The following ZRANB3 variants were observed in gnomAD, a reference collection of about 807,000 sequenced individuals.
ZRANB3 encodes the protein zinc finger RANBP2-type containing 3.
In ZRANB3, 125 loss-of-function variants were observed where a neutral mutation model predicts 133.8. That is an observed-to-expected ratio of 0.93 (90% CI 0.81 to 1.08). ZRANB3 has a LOEUF of 1.08. Ranked by LOEUF, ZRANB3 falls within the 50% of genes least tolerant of loss-of-function variation. The pLI, the probability that ZRANB3 is intolerant of heterozygous loss-of-function variation, is 0.00. For synonymous variants in ZRANB3, 387 were observed against 432.7 expected (o/e 0.89, Z 1.31); for missense variants, 1,229 against 1,275.5 (o/e 0.96, Z 0.56).
chr2:135,502,551 C>G (rs1378088277), intron 2 of ZRANB3, among the ~76,000 whole-genome samples: 1 of 152,178 alleles, frequency 6.6e-6, no homozygotes, highest in Non-Finnish European at 1.5e-5. Flanking sequence ...GTTAAAGAAG[C>G]ATGCACAGCA....
At chr2:135,224,277 G>T (rs1694670082) in intron 15 of ZRANB3, 149 bp downstream of exon 15, 2 of 628,616 alleles carry the variant, frequency 3.2e-6, no homozygotes, top group African/African-American at 1.8e-5. Flanking sequence ...CTCATTGTCT[G>T]TAGATTTAAC....
intron 3 of ZRANB3, among the ~76,000 whole-genome samples, chr2:135,367,373 G>T (rs886649795): frequency 3.3e-5 from 5 of 152,156 alleles, no homozygotes; most frequent in Admixed American, 6.5e-5. Context: ...CTTAGCTGGG[G>T]TCCTCTCATC....
chr2:135,302,048 C>G (rs1336146658), intron 8 of ZRANB3, among the ~76,000 whole-genome samples: 1 of 152,188 alleles, frequency 6.6e-6, no homozygotes, highest in Non-Finnish European at 1.5e-5. Flanking sequence ...CATTTACAAA[C>G]TGGTTTGGGA....
chr2:135,438,338 C>G (rs921626218), intron 2 of ZRANB3, among the ~76,000 whole-genome samples: 1 of 151,888 alleles, frequency 6.6e-6, no homozygotes, highest in East Asian at 1.9e-4. Flanking sequence ...AACTCCGTAT[C>G]TACTAAAAAT....
chr2:135,420,687 G>A (rs1688803990), intron 2 of ZRANB3, among the ~76,000 whole-genome samples: 2 of 152,042 alleles, frequency 1.3e-5, no homozygotes, highest in Non-Finnish European at 2.9e-5. Context: ...GAGAGTAAGA[G>A]TGCTCTTCTT....
intron 3 of ZRANB3, among the ~76,000 whole-genome samples, chr2:135,388,270 C>A (rs143763317): frequency 2.0e-5 from 3 of 152,270 alleles, no homozygotes; most frequent in African/African-American, 7.2e-5. Context: ...CACTGGGTCA[C>A]CCCTCCCATC....
intron 3 of ZRANB3, among the ~76,000 whole-genome samples, chr2:135,373,802 A>AGGGGAGGGGG (rs1426846563): frequency 5.2e-4 from 2 of 3,826 alleles, no homozygotes; most frequent in East Asian, 7.0e-3. Context: ...GAAAAGAAAG[A>AGGGGAGGGGG]GGGGAGGGGA....
rs528081440 is a variant in ZRANB3, at chr2:135,467,819, T to C, written c.161+36510A>G. Among the ~76,000 whole-genome samples, 35 of 152,352 alleles carry C rather than the reference T, an allele frequency of 2.3e-4. No homozygotes were observed. The East Asian group carries it at 6.6e-3, about 29-fold the overall frequency. ...GCACTCCAGACCCTCTGAGCTTTTTTCAAGTTCTTTAAGCACTGGCTTGGA... is the reference window on the plus strand; with the variant it reads ...GCACTCCAGACCCTCTGAGCTTTTTCCAAGTTCTTTAAGCACTGGCTTGGA... On this transcript the variant is annotated intron_variant, in intron 2 of 20. Transcript: ENST00000264159.
intron 6 of ZRANB3, among the ~76,000 whole-genome samples, chr2:135,333,671 G>A (rs1000711997): frequency 1.1e-4 from 16 of 152,176 alleles, no homozygotes; most frequent in African/African-American, 3.9e-4. Flanking sequence ...TGGGTACAGA[G>A]TTTCAATCTG....
intron 12 of ZRANB3, among the ~76,000 whole-genome samples, chr2:135,242,369 C>T (rs2105084224): frequency 6.6e-6 from 1 of 151,968 alleles, no homozygotes; most frequent in Admixed American, 6.5e-5. Flanking sequence ...CAGAAGAAAA[C>T]TCAAAGCAAA....
intron 1 of ZRANB3, among the ~76,000 whole-genome samples, chr2:135,516,752 G>A (rs1490027280): frequency 6.6e-6 from 1 of 152,016 alleles, no homozygotes; most frequent in African/African-American, 2.4e-5. Flanking sequence ...TATGTGTCTT[G>A]TGGTTGCTCT....
Position 135,353,030 on chromosome 2 carries a change from A to G in ZRANB3, c.359+420T>C, listed in dbSNP as rs77778849. On this transcript the variant is annotated intron_variant, in intron 4 of 20. Coordinates refer to ENST00000264159, the MANE Select transcript of ZRANB3 (RefSeq NM_032143.4). ...AAAATCAAACTTACTAATGAGTCAC[A>G]CACAAAACTTGCATATTAATTAACA... Among the ~76,000 whole-genome samples, 1,082 of 152,272 alleles carry G rather than the reference A, an allele frequency of 7.1e-3. 11 individuals are homozygous for G. The highest frequency in any genetic ancestry group is 0.024 in the African/African-American group (1,014 of 41,582).
chr2:135,526,669 A>G (rs1056155140), intron 1 of ZRANB3, among the ~76,000 whole-genome samples: 2 of 152,224 alleles, frequency 1.3e-5, no homozygotes, highest in Admixed American at 6.5e-5. Flanking sequence ...ATTGTCCTGC[A>G]AAGTCTCTTG....
intron 2 of ZRANB3, among the ~76,000 whole-genome samples, chr2:135,498,280 G>A (rs1005585103): frequency 1.3e-5 from 2 of 152,060 alleles, no homozygotes; most frequent in African/African-American, 2.4e-5. Flanking sequence ...CTGAAGCCAT[G>A]GCAGAAGAAC....
intron 11 of ZRANB3, among the ~76,000 whole-genome samples, chr2:135,266,576 C>T (rs542768720): frequency 1.3e-5 from 2 of 152,068 alleles, no homozygotes; most frequent in South Asian, 4.2e-4. Flanking sequence ...ACCAGCCTGG[C>T]CAATAAGGTA....
chr2:135,524,302 G>A (rs1262153787), intron 1 of ZRANB3, among the ~76,000 whole-genome samples: 1 of 151,962 alleles, frequency 6.6e-6, no homozygotes, highest in Non-Finnish European at 1.5e-5. Flanking sequence ...GGCTGGTCTC[G>A]AACTCCCGAC....
Position 135,275,647 on chromosome 2 carries a change from T to C in ZRANB3, c.1075A>G (p.Ile359Val). The change falls in exon 9 of 21, where the codon ATC becomes GTC. Residue 359 changes from isoleucine (I) to valine (V), a missense_variant. Ile to Val is a conservative substitution (Grantham distance 29). Transcript: ENST00000264159. Reference protein sequence around the residue: ...SMLQACTEAVIENKTRYIRID... With the variant: ...SMLQACTEAVVENKTRYIRID... Reference sequence around the variant, plus strand: ...AAATGGCAACATACCTTATTTTCGATGACTGCTTCTGTGCAAGCTTGGAGC... The same window carrying C: ...AAATGGCAACATACCTTATTTTCGACGACTGCTTCTGTGCAAGCTTGGAGC... 4 of 1,583,918 alleles carry C rather than the reference T, an allele frequency of 2.5e-6. No homozygotes were observed. Among genetic ancestry groups the C allele is most frequent in the African/African-American group, 1.4e-5 (1 of 73,862 alleles).
At chr2:135,459,731 A>C (rs1211049605) in intron 2 of ZRANB3, among the ~76,000 whole-genome samples, 1 of 152,228 alleles carries the variant, frequency 6.6e-6, no homozygotes. Flanking sequence ...CAACATAGTT[A>C]ACTTTAGAGG....
intron 12 of ZRANB3, among the ~76,000 whole-genome samples, chr2:135,257,726 C>T (rs184865769): frequency 6.6e-6 from 1 of 152,148 alleles, no homozygotes; most frequent in East Asian, 1.9e-4. Flanking sequence ...GGCTCACATC[C>T]CAGAAACTTG....
Sources: gnomAD v4.1 joint callset for allele counts (sites outside exome capture counted in the v4.1 genomes callset) on GRCh38, gnomAD v4.1.1 for gene constraint, MANE v1.5 for transcripts, NCBI Gene and HGNC (gene_info 2026-07-23, HGNC 2026-07-21) for gene names.